The following LAMA1 variants were observed in gnomAD, a reference collection of about 807,000 sequenced individuals.
LAMA1 encodes the protein laminin subunit alpha-1.
Under a neutral mutation model 348.7 loss-of-function variants are expected in LAMA1, and 219 were observed. The ratio of observed to expected loss-of-function variants is 0.63; its 90% confidence interval spans 0.56 to 0.70. The LOEUF (loss-of-function observed/expected upper bound fraction) is 0.70, where lower values mean the gene tolerates loss of function less well. Ranked by LOEUF, LAMA1 falls within the 30% of genes least tolerant of loss-of-function variation. The pLI is 0.00. For synonymous variants in LAMA1, 1,487 were observed against 1,491.0 expected (o/e 1.00, Z 0.06); for missense variants, 3,744 against 3,888.0 (o/e 0.96, Z 0.99).
intron 49 of LAMA1, 77 bp from the exon 50 acceptor site, chr18:6,965,509 T>A: frequency 6.6e-7 from 1 of 1,519,056 alleles, no homozygotes; most frequent in Non-Finnish European, 9.1e-7. Flanking sequence ...CAGGGATGGC[T>A]GAAACCTTCT....
rs757346938 is a variant in LAMA1, at chr18:6,959,402, C to T, written c.7717G>A (p.Ala2573Thr). ...GTGLRKALLH[A>T]PTGTCSDGQA... ...CCATCACTGCAGGTACCCGTGGGAGCGTGCAGGAGAGCTTTTCTCAGGCCT... is the reference window on the plus strand; with the variant it reads ...CCATCACTGCAGGTACCCGTGGGAGTGTGCAGGAGAGCTTTTCTCAGGCCT... Residue 2573 changes from alanine (A) to threonine (T), a missense_variant, in exon 54 of 63, where the codon GCT (alanine) becomes ACT (threonine). Physicochemically the swap from Ala to Thr is moderately conservative, Grantham distance 58 (BLOSUM62 0). This residue lies in a region of LAMA1 where 1,983 missense variants were observed against 1,934.3 expected (regional missense o/e 1.03). Coordinates refer to ENST00000389658, the MANE Select transcript of LAMA1 (RefSeq NM_005559.4). 16 of 1,614,046 alleles carry T rather than the reference C, an allele frequency of 9.9e-6. No homozygotes were observed. The highest frequency in any genetic ancestry group is 1.3e-5 in the Non-Finnish European group (15 of 1,180,040).
chr18:7,102,765 T>C (rs1361051301), intron 1 of LAMA1, among the ~76,000 whole-genome samples: 1 of 152,182 alleles, frequency 6.6e-6, no homozygotes, highest in Non-Finnish European at 1.5e-5. Flanking sequence ...ACTTTCTAGA[T>C]ACTCAACAAA....
intron 1 of LAMA1, among the ~76,000 whole-genome samples, chr18:7,105,075 A>G (rs1249744460): frequency 6.6e-6 from 1 of 152,162 alleles, no homozygotes; most frequent in Non-Finnish European, 1.5e-5. Flanking sequence ...GAGAAATAAT[A>G]AGCCAAATAT....
At chr18:6,960,369 C>CCAATGGGGATGAACTT (rs1215607071) in intron 53 of LAMA1, 1 of 152,088 alleles carries the variant, frequency 6.6e-6, no homozygotes, top group Non-Finnish European at 1.5e-5. Flanking sequence ...GATCCATGCT[C>CCAATGGGGATGAACTT]CAATGGGGAT....
At chr18:7,070,290 C>G (rs2058140500) in intron 3 of LAMA1, among the ~76,000 whole-genome samples, 1 of 152,154 alleles carries the variant, frequency 6.6e-6, no homozygotes, top group Admixed American at 6.5e-5. Flanking sequence ...AAAAAGCATA[C>G]AGTAAAAGTA....
chr18:6,989,848 G>T (rs561582329), intron 36 of LAMA1, among the ~76,000 whole-genome samples: 1 of 152,238 alleles, frequency 6.6e-6, no homozygotes, highest in Non-Finnish European at 1.5e-5. Context: ...CATCTGAGTT[G>T]CTGGGGAGCT....
chr18:7,098,444 G>A (rs1360193952), intron 1 of LAMA1, among the ~76,000 whole-genome samples: 1 of 151,584 alleles, frequency 6.6e-6, no homozygotes, highest in East Asian at 2.0e-4. Context: ...AGGAAGTGAG[G>A]AGCGTCCCTG....
At chr18:7,089,943 C>T (rs547155988) in intron 1 of LAMA1, among the ~76,000 whole-genome samples, 7 of 152,242 alleles carry the variant, frequency 4.6e-5, no homozygotes, top group African/African-American at 1.7e-4. Flanking sequence ...AATATAGCCA[C>T]GTGTCATAAA....
rs1009177876 is a variant in LAMA1, at chr18:6,955,400, T to G, written c.8160A>C (p.Gln2720His). 13 of 1,614,036 alleles carry G rather than the reference T, an allele frequency of 8.1e-6. No individual in the cohort carries two copies. The highest frequency in any genetic ancestry group is 1.1e-5 in the Non-Finnish European group (13 of 1,180,044). ...VPGAHQFGLT[Q>H]NSHFILPFNQ... is the part of the protein sequence containing the mutation. ...TAAAAGGCAAGATGAAATGGCTGTTTTGTGTGAGACCAAACTGGTGAGCGC... is the reference window on the plus strand; with the variant it reads ...TAAAAGGCAAGATGAAATGGCTGTTGTGTGTGAGACCAAACTGGTGAGCGC... The change falls in exon 57 of 63, where the codon CAA becomes CAC. Residue 2720 changes from glutamine to histidine, a missense_variant. Gln to His is a conservative substitution (Grantham distance 24). Transcript: ENST00000389658.
chr18:6,954,893 G>A, intron 57 of LAMA1: 1 of 246,986 alleles, frequency 4.0e-6, no homozygotes, highest in Non-Finnish European at 7.9e-6. Context: ...TCTTCCCTTG[G>A]CAGAAGGGTC....
At chr18:7,049,037 T>C (rs966091069) in intron 5 of LAMA1, 41 bp downstream of exon 5, 13 of 1,562,302 alleles carry the variant, frequency 8.3e-6, no homozygotes, top group South Asian at 3.4e-5. Flanking sequence ...ATAAAATGAA[T>C]CTTTTTATTT....
chr18:7,117,599 C>T, intron 1 of LAMA1, 61 bp downstream of exon 1: 1 of 1,547,866 alleles, frequency 6.5e-7, no homozygotes, highest in South Asian at 1.2e-5. Context: ...GCTTTGTCCG[C>T]GGCCGCCCCC....
intron 1 of LAMA1, among the ~76,000 whole-genome samples, chr18:7,105,364 G>A (rs557102424): frequency 1.3e-4 from 20 of 152,082 alleles, no homozygotes; most frequent in Middle Eastern, 3.4e-3. Flanking sequence ...GCTTGAACCC[G>A]GGAGGCGGAG....
intron 1 of LAMA1, among the ~76,000 whole-genome samples, chr18:7,090,513 G>C (rs1023681609): frequency 3.3e-5 from 5 of 152,020 alleles, no homozygotes; most frequent in Non-Finnish European, 7.4e-5. Context: ...CAAATTCTTG[G>C]TTTTTGGACT....
chr18:7,030,864 G>A lies in LAMA1; in HGVS notation c.2274+1202C>T, dbSNP rs1490276304. Among the ~76,000 whole-genome samples, 3 of 142,576 alleles carry A rather than the reference G, an allele frequency of 2.1e-5. No individual in the cohort carries two copies. In the East Asian group the frequency reaches 6.2e-4, roughly 29 times the overall value. 93.5% of individuals were successfully genotyped at this position (142,576 alleles called of 152,430 possible). ...CACCCCACCCCAAATGCTGGCAGGA[G>A]GCCTTGCAAACCCAAATGGCAAAGG... On this transcript the variant is annotated intron_variant, in intron 16 of 62. Transcript: ENST00000389658.
Position 6,992,670 on chromosome 18 carries a change from G to C in LAMA1, c.5059C>G (p.Leu1687Val). The C allele has an allele frequency of 1.2e-6, 2 of 1,613,508 alleles. No individual in the cohort carries two copies. Among genetic ancestry groups the C allele is most frequent in the Non-Finnish European group, 1.7e-6 (2 of 1,179,362 alleles). Residue 1687 changes from leucine (L) to valine (V), a missense_variant, in exon 36 of 63, where the codon CTA becomes GTA. Leu to Val is a conservative substitution (Grantham distance 32). Coordinates refer to ENST00000389658, the MANE Select transcript of LAMA1 (RefSeq NM_005559.4). ...ATGTTCTGAAGAGTAGAATTGGGTA[G>C]TAGGAAATCTTCATCCAAAGTCTGA... ...LNQTLDEDFL[L>V]PNSTLQNMQQ...
At chr18:7,077,474 G>A (rs1055996448) in intron 3 of LAMA1, among the ~76,000 whole-genome samples, 1 of 151,806 alleles carries the variant, frequency 6.6e-6, no homozygotes, top group Non-Finnish European at 1.5e-5. Context: ...GAAAGTGCTG[G>A]GATTACAGGC....
chr18:7,000,917 G>A (rs2057804856), intron 30 of LAMA1, among the ~76,000 whole-genome samples: 1 of 152,194 alleles, frequency 6.6e-6, no homozygotes, highest in Non-Finnish European at 1.5e-5. Flanking sequence ...GAGATTCAGA[G>A]CACACAAGAA....
At chr18:6,945,640 C>CA (rs2057518356) in intron 61 of LAMA1, among the ~76,000 whole-genome samples, 1 of 152,122 alleles carries the variant, frequency 6.6e-6, no homozygotes, top group South Asian at 2.1e-4. Flanking sequence ...CCTGATTCCC[C>CA]ATGGCCTCTG....
Sources: allele counts gnomAD v4.1 joint callset (sites outside exome capture counted in the v4.1 genomes callset), GRCh38; gene constraint gnomAD v4.1.1; regional missense constraint gnomAD v4.1.1; transcripts MANE v1.5; gene names NCBI Gene and HGNC (gene_info 2026-07-23, HGNC 2026-07-21).